CSMD1: variants seen among roughly 807,000 people sequenced by gnomAD.
The protein encoded by CSMD1 is CUB and sushi domain-containing protein 1.
In CSMD1, 213 loss-of-function variants were observed where a neutral mutation model predicts 417.5. The ratio of observed to expected loss-of-function variants is 0.51; its 90% CI spans 0.46 to 0.57. The LOEUF (loss-of-function observed/expected upper bound fraction) is 0.57, where lower values mean the gene tolerates loss of function less well. Among genes scored for constraint, CSMD1 ranks in the 20% least tolerant of loss-of-function variants. CSMD1 has a pLI of 0.00. For synonymous variants in CSMD1, 2,862 were observed against 1,736.8 expected (o/e 1.65, Z -16.11); for missense variants, 6,923 against 4,529.7 (o/e 1.53, Z -15.17).
chr8:3,283,702 T>G (rs1200158656), intron 26 of CSMD1, among the ~76,000 whole-genome samples: 1 of 152,098 alleles, frequency 6.6e-6, no homozygotes, highest in Admixed American at 6.6e-5. Flanking sequence ...ACTCCCAGGA[T>G]GCAGAGGAAA....
At chr8:3,121,101 A>T (rs1817178088) in intron 41 of CSMD1, among the ~76,000 whole-genome samples, 1 of 151,328 alleles carries the variant, frequency 6.6e-6, no homozygotes, top group Non-Finnish European at 1.5e-5. Context: ...CAAAAAAAAA[A>T]TAGGGAGAGA....
chr8:3,277,005 T>A (rs1169040128), intron 26 of CSMD1, among the ~76,000 whole-genome samples: 1 of 152,124 alleles, frequency 6.6e-6, no homozygotes, highest in Non-Finnish European at 1.5e-5. Flanking sequence ...GTGATTGTCT[T>A]CGCTAAAGAA....
At chr8:4,868,036 C>A (rs1248766270) in intron 1 of CSMD1, among the ~76,000 whole-genome samples, 2 of 151,990 alleles carry the variant, frequency 1.3e-5, no homozygotes, top group Admixed American at 1.3e-4. Flanking sequence ...CTTGAAAAAT[C>A]ACTGCTTTCC....
At chr8:4,522,572 A>C (rs1014510767) in intron 2 of CSMD1, among the ~76,000 whole-genome samples, 2 of 152,162 alleles carry the variant, frequency 1.3e-5, no homozygotes, top group South Asian at 2.1e-4. Flanking sequence ...TGTTGCAATA[A>C]TTTTCAAAAC....
intron 2 of CSMD1, among the ~76,000 whole-genome samples, chr8:4,461,122 C>T (rs1483431283): frequency 2.0e-5 from 3 of 151,006 alleles, no homozygotes; most frequent in Non-Finnish European, 2.9e-5. Flanking sequence ...AAATCTAACA[C>T]TGTGCCATAA....
At chr8:3,300,722 C>T (rs555943990) in intron 25 of CSMD1, among the ~76,000 whole-genome samples, 22 of 151,836 alleles carry the variant, frequency 1.4e-4, no homozygotes, top group Admixed American at 2.6e-4. Context: ...TTTGGGAGGA[C>T]GAGGCGGGCA....
chr8:4,587,346 C>A (rs989373077), intron 2 of CSMD1, among the ~76,000 whole-genome samples: 35 of 151,964 alleles, frequency 2.3e-4, no homozygotes, highest in Non-Finnish European at 4.1e-4. Flanking sequence ...AAACTGTGAG[C>A]TTTTCAAAGC....
chr8:4,489,049 T>C (rs1801565725), intron 2 of CSMD1, among the ~76,000 whole-genome samples: 1 of 152,194 alleles, frequency 6.6e-6, no homozygotes, highest in Non-Finnish European at 1.5e-5. Context: ...TAGCTGGGAA[T>C]ACAGGTGCGT....
At chr8:3,557,867 C>T (rs866711431) in intron 10 of CSMD1, among the ~76,000 whole-genome samples, 12 of 152,150 alleles carry the variant, frequency 7.9e-5, no homozygotes, top group Middle Eastern at 3.2e-3. Flanking sequence ...GGTAATAATG[C>T]CATTGGTTCA....
At chr8:3,497,972 G>A (rs1392344321) in intron 10 of CSMD1, among the ~76,000 whole-genome samples, 3 of 152,162 alleles carry the variant, frequency 2.0e-5, no homozygotes. Flanking sequence ...AGCATTTCTT[G>A]TAGGACCATT....
intron 1 of CSMD1, among the ~76,000 whole-genome samples, chr8:4,803,826 T>A (rs1253279756): frequency 2.0e-5 from 3 of 152,216 alleles, no homozygotes; most frequent in East Asian, 3.8e-4. Flanking sequence ...TAGAATATCC[T>A]TGACACAGTA....
intron 50 of CSMD1, among the ~76,000 whole-genome samples, chr8:3,046,441 C>G (rs1811450761): frequency 1.3e-5 from 2 of 152,200 alleles, no homozygotes; most frequent in African/African-American, 4.8e-5. Flanking sequence ...CCACCTTCTT[C>G]ACCTCTGCTT....
At chr8:4,816,193 CT>C (rs34512629) in intron 1 of CSMD1, among the ~76,000 whole-genome samples, 2 of 150,266 alleles carry the variant, frequency 1.3e-5, no homozygotes, top group Admixed American at 6.6e-5. Context: ...TTGTTATTTG[CT>C]TTTTTTTTGG....
chr8:3,874,872 G>T (rs114392623), intron 5 of CSMD1, among the ~76,000 whole-genome samples: 1 of 152,074 alleles, frequency 6.6e-6, no homozygotes, highest in Non-Finnish European at 1.5e-5. Flanking sequence ...GGCAAAGGGT[G>T]GTGAGATCCA....
At chr8:4,814,094 A>G (rs940350300) in intron 1 of CSMD1, among the ~76,000 whole-genome samples, 1 of 152,260 alleles carries the variant, frequency 6.6e-6, no homozygotes, top group Non-Finnish European at 1.5e-5. Context: ...CAGACAAAAC[A>G]TTTAATCCCA....
chr8:2,997,655 C>G (rs1807024661), intron 54 of CSMD1, among the ~76,000 whole-genome samples: 1 of 152,142 alleles, frequency 6.6e-6, no homozygotes, highest in Non-Finnish European at 1.5e-5. Context: ...AAATTTAAAA[C>G]AGTAAGAACT....
At chr8:3,198,076 C>G (rs143521646) in intron 33 of CSMD1, among the ~76,000 whole-genome samples, 1 of 152,156 alleles carries the variant, frequency 6.6e-6, no homozygotes, top group Non-Finnish European at 1.5e-5. Context: ...TCTTTTCTTT[C>G]TACTTTTCCG....
chr8:4,261,699 C>G (rs539518996), intron 3 of CSMD1, among the ~76,000 whole-genome samples: 59 of 152,200 alleles, frequency 3.9e-4, no homozygotes, highest in African/African-American at 1.3e-3. Flanking sequence ...CATGAGTCAC[C>G]TCTTCTGGCT....
chr8:3,255,015 G>A (rs1800547039), intron 26 of CSMD1, among the ~76,000 whole-genome samples: 1 of 151,982 alleles, frequency 6.6e-6, no homozygotes, highest in African/African-American at 2.4e-5. Context: ...TCTACCTTTG[G>A]TCTTTGATGA....
Sources: gnomAD v4.1 joint callset for allele counts (sites outside exome capture counted in the v4.1 genomes callset) on GRCh38, gnomAD v4.1.1 for gene constraint, MANE v1.5 for transcripts, NCBI Gene and HGNC (gene_info 2026-07-23, HGNC 2026-07-21) for gene names.